The following YEATS2 variants were observed in gnomAD, a reference collection of about 807,000 sequenced individuals.
The protein encoded by YEATS2 is YEATS domain containing 2.
YEATS2 carries 77 observed loss-of-function variants against 163.2 expected under a neutral mutation model. That is an observed-to-expected ratio of 0.47 (90% CI 0.39 to 0.57). The LOEUF is 0.57. Ranked by LOEUF, YEATS2 falls within the 20% of genes least tolerant of loss-of-function variation. YEATS2 has a pLI of 0.00. For missense variants in YEATS2, 1,549 were observed against 1,729.8 expected (o/e 0.90, Z 1.85); for synonymous variants, 631 against 645.1 (o/e 0.98, Z 0.33).
Position 183,810,675 on chromosome 3 carries a change from T to A in YEATS2, c.*92T>A. 1 of 1,212,892 alleles carries A rather than the reference T, an allele frequency of 8.2e-7. No individual in the cohort carries two copies. The highest frequency in any genetic ancestry group is 1.2e-6 in the Non-Finnish European group (1 of 838,502). 75.1% of individuals were successfully genotyped at this position (1,212,892 alleles called of 1,614,324 possible). On this transcript the variant is annotated 3_prime_UTR_variant, in exon 31 of 31. Transcript: ENST00000305135. ...TGCTCGGGAAGGAGGTGGTTTCCAGTGTGACTCGGCATGTCATGGCTACCC... is the reference window on the plus strand; with the variant it reads ...TGCTCGGGAAGGAGGTGGTTTCCAGAGTGACTCGGCATGTCATGGCTACCC...
intron 7 of YEATS2, among the ~76,000 whole-genome samples, chr3:183,732,179 C>T (rs1034517749): frequency 3.3e-5 from 5 of 151,994 alleles, no homozygotes; most frequent in Admixed American, 3.3e-4. Flanking sequence ...GGCTGGGCAC[C>T]GTGGCTCAAG....
At chr3:183,785,034 C>T (rs898998081) in intron 19 of YEATS2, among the ~76,000 whole-genome samples, 28 of 151,426 alleles carry the variant, frequency 1.8e-4, no homozygotes, top group Non-Finnish European at 2.1e-4. Flanking sequence ...GATCGCACCA[C>T]TGCACTCCAG....
chr3:183,752,237 T>C lies in YEATS2; in HGVS notation c.1134T>C (p.Asp378=). Residue 378 remains aspartate, a synonymous_variant, in exon 10 of 31, where the codon GAT becomes GAC. Coordinates refer to ENST00000305135, the MANE Select transcript of YEATS2 (RefSeq NM_018023.5). The part of the protein sequence containing the change: ...PIKQSHEPVP[D]TSVEKGFPAS... ...AGCAGTCACATGAGCCAGTACCCGA[T>C]ACCTCTGTGGAGAAAGGTAATACAG... 1 of 1,614,218 alleles carries C rather than the reference T, an allele frequency of 6.2e-7. No homozygotes were observed. The highest frequency in any genetic ancestry group is 8.5e-7 in the Non-Finnish European group (1 of 1,180,040).
At chr3:183,735,124 T>C (rs1264938271) in intron 7 of YEATS2, among the ~76,000 whole-genome samples, 1 of 152,232 alleles carries the variant, frequency 6.6e-6, no homozygotes, top group Admixed American at 6.5e-5. Flanking sequence ...CACTAAAGGT[T>C]AGGCCATGTA....
chr3:183,793,184 A>C (rs1019346798), intron 21 of YEATS2: 1 of 1,286,994 alleles, frequency 7.8e-7, no homozygotes, highest in African/African-American at 1.5e-5. Flanking sequence ...AGATACACAC[A>C]CACACTCACG....
intron 8 of YEATS2, among the ~76,000 whole-genome samples, chr3:183,744,792 A>G (rs1186817996): frequency 6.6e-6 from 1 of 151,922 alleles, no homozygotes; most frequent in Non-Finnish European, 1.5e-5. Context: ...GTTGCAGACC[A>G]TCATTCTTTC....
At chr3:183,759,877 A>G (rs262991) in intron 13 of YEATS2, among the ~76,000 whole-genome samples, 62,336 of 152,120 alleles carry the variant, frequency 0.41, 13,462 homozygotes, top group East Asian at 0.65. Context: ...GGGGAGCATC[A>G]GTGTTTCCTT....
chr3:183,804,062 C>T lies in YEATS2; in HGVS notation c.3658C>T (p.Pro1220Ser). ...EKNPRFHHLT[P>S]LKTKHIAHWC... ...GAATCCGAGATTTCACCACCTGACT[C>T]CCCTCAAAACCAAGCACATCGCTCA... The change falls in exon 27 of 31, where the codon CCC becomes TCC. Residue 1220 changes from proline (P) to serine (S), a missense_variant. Transcript: ENST00000305135. The T allele has an allele frequency of 1.9e-6, 3 of 1,614,100 alleles. No individual in the cohort carries two copies. Among genetic ancestry groups the T allele is most frequent in the South Asian group, 1.1e-5 (1 of 91,074 alleles).
chr3:183,739,287 A>C (rs979197135), intron 8 of YEATS2, among the ~76,000 whole-genome samples: 2 of 151,210 alleles, frequency 1.3e-5, no homozygotes, highest in Non-Finnish European at 2.9e-5. Context: ...TCAGTGTACA[A>C]AAATCACAAG....
chr3:183,754,585 A>G (rs1720521057), intron 11 of YEATS2, among the ~76,000 whole-genome samples: 1 of 152,246 alleles, frequency 6.6e-6, no homozygotes, highest in Non-Finnish European at 1.5e-5. Context: ...TGAAACTCAA[A>G]TGGTCAAATT....
chr3:183,699,137 A>G (rs900751175), intron 1 of YEATS2, among the ~76,000 whole-genome samples: 1 of 152,102 alleles, frequency 6.6e-6, no homozygotes. Flanking sequence ...GGGGAAGTAT[A>G]AACAGATTTT....
Position 183,783,539 on chromosome 3 carries a change from T to G in YEATS2, c.2737-2586T>G, listed in dbSNP as rs114435995. 4.9e-3 allele frequency among the ~76,000 whole-genome samples: 749 copies of G among 152,322 alleles called. 6 individuals are homozygous for G. Among genetic ancestry groups the G allele is most frequent in the African/African-American group, 0.017 (716 of 41,576 alleles). Reference sequence around the variant, plus strand: ...GAGCATCATACCCAATAGTTAGTTTTTTAACCCTTCCCTCCCTGCCCCATG... The same window carrying G: ...GAGCATCATACCCAATAGTTAGTTTGTTAACCCTTCCCTCCCTGCCCCATG... On this transcript the variant is annotated intron_variant, in intron 19 of 30. Transcript: ENST00000305135.
At chr3:183,715,026 T>G in intron 1 of YEATS2, 118 bp from the exon 2 acceptor site, 1 of 559,856 alleles carries the variant, frequency 1.8e-6, no homozygotes, top group South Asian at 2.8e-5. Flanking sequence ...ATTAATGTAA[T>G]ATTTATTTAT....
At chr3:183,789,538 T>G (rs1724394296) in intron 20 of YEATS2, among the ~76,000 whole-genome samples, 1 of 119,448 alleles carries the variant, frequency 8.4e-6, no homozygotes, top group Non-Finnish European at 1.7e-5. Context: ...TTTTTTTTTT[T>G]TTTTTTTTTT....
rs1415302576 is a variant in YEATS2, at chr3:183,795,515, G to A, written c.3098-2408G>A. On this transcript the variant is annotated intron_variant, in intron 21 of 30. Coordinates refer to ENST00000305135, the MANE Select transcript of YEATS2 (RefSeq NM_018023.5). ...GGGGTCTTGCTTTGTTGCCGAGGCT[G>A]GTCTCAAACTCCTGGCCTCAACCAG... Among the ~76,000 whole-genome samples the A allele has an allele frequency of 5.1e-4, 75 of 145,782 alleles. 3 individuals carry two copies. Among genetic ancestry groups the A allele is most frequent in the Non-Finnish European group, 7.4e-5 (5 of 67,154 alleles).
intron 6 of YEATS2, 122 bp from the exon 7 acceptor site, chr3:183,728,568 G>A: frequency 1.2e-6 from 1 of 866,336 alleles, no homozygotes; most frequent in Non-Finnish European, 1.7e-6. Flanking sequence ...TTGTTTAGGT[G>A]ATGTAGTTGT....
rs187311951 is a variant in YEATS2, at chr3:183,779,722, A to G, written c.2736+2022A>G. 9.3e-3 allele frequency among the ~76,000 whole-genome samples: 1,415 copies of G among 151,990 alleles called. 18 individuals are homozygous for G. The highest frequency in any genetic ancestry group is 0.032 in the African/African-American group (1,334 of 41,530). The stretch of plus-strand genomic sequence containing the variant: ...TATTTTTTATATATTTTTTTGAGAC[A>G]CAGCCTTGCTCTGTCGCCAGGCTGG... On this transcript the variant is annotated intron_variant, in intron 19 of 30. Transcript: ENST00000305135.
intron 1 of YEATS2, among the ~76,000 whole-genome samples, chr3:183,703,203 A>G (rs566195620): frequency 9.2e-5 from 14 of 152,194 alleles, no homozygotes; most frequent in Non-Finnish European, 1.9e-4. Flanking sequence ...GCTTCTCGCC[A>G]TTCAGGTCCA....
At chr3:183,747,993 G>A (rs1377320479) in intron 9 of YEATS2, among the ~76,000 whole-genome samples, 7 of 151,624 alleles carry the variant, frequency 4.6e-5, no homozygotes, top group Admixed American at 4.6e-4. Context: ...GTGCGCCACT[G>A]CACCTGGCCG....
Sources: allele counts gnomAD v4.1 joint callset (sites outside exome capture counted in the v4.1 genomes callset), GRCh38; gene constraint gnomAD v4.1.1; transcripts MANE v1.5; gene names NCBI Gene and HGNC (gene_info 2026-07-23, HGNC 2026-07-21).